The following TNRC6B variants were observed in gnomAD, a reference collection of about 807,000 sequenced individuals.
TNRC6B encodes trinucleotide repeat-containing gene 6B protein.
A neutral mutation model predicts 203.6 loss-of-function variants in TNRC6B; 52 were observed. That is an observed-to-expected ratio of 0.26 (90% CI 0.20 to 0.32). The LOEUF is 0.32. Among genes scored for constraint, TNRC6B ranks in the 10% least tolerant of loss-of-function variants. The pLI, the probability that TNRC6B is intolerant of heterozygous loss-of-function variation, is 1.00. For missense variants in TNRC6B, 1,923 were observed against 2,286.2 expected (o/e 0.84, Z 3.24); for synonymous variants, 838 against 845.7 (o/e 0.99, Z 0.16).
At chr22:40,119,594 C>T (rs1054713693) in intron 2 of TNRC6B, among the ~76,000 whole-genome samples, 3 of 152,170 alleles carry the variant, frequency 2.0e-5, no homozygotes, top group African/African-American at 7.2e-5. Context: ...TAAATACATA[C>T]ATAGATAACA....
At chr22:40,310,627 G>T (rs1472368191) in intron 16 of TNRC6B, among the ~76,000 whole-genome samples, 190 bp from the exon 17 acceptor site, 2 of 152,160 alleles carry the variant, frequency 1.3e-5, no homozygotes, top group African/African-American at 4.8e-5. Flanking sequence ...TCAGAGAGGC[G>T]AAATGACTTG....
intron 15 of TNRC6B, among the ~76,000 whole-genome samples, chr22:40,302,713 C>A (rs924721182): frequency 1.3e-5 from 2 of 151,798 alleles, no homozygotes; most frequent in Admixed American, 6.6e-5. Context: ...CAAATGGCAG[C>A]GGCTGACTGT....
chr22:40,135,909 T>C (rs1382989036), intron 3 of TNRC6B, among the ~76,000 whole-genome samples: 1 of 152,204 alleles, frequency 6.6e-6, no homozygotes, highest in Non-Finnish European at 1.5e-5. Context: ...GACTAGAATA[T>C]CTGTATCTTT....
At chr22:40,061,195 C>T (rs1253468445) in intron 1 of TNRC6B, among the ~76,000 whole-genome samples, 1 of 152,018 alleles carries the variant, frequency 6.6e-6, no homozygotes, top group Non-Finnish European at 1.5e-5. Context: ...TTGAAAGGAA[C>T]GTATGTCCGC....
At chr22:40,275,946 C>T (rs1260954940) in intron 7 of TNRC6B, among the ~76,000 whole-genome samples, 4 of 147,766 alleles carry the variant, frequency 2.7e-5, no homozygotes, top group Non-Finnish European at 6.0e-5. Flanking sequence ...GTGACAAGAG[C>T]GAAACTCAGT....
At chr22:40,046,565 T>A (rs1337907626) in intron 1 of TNRC6B, among the ~76,000 whole-genome samples, 1 of 152,036 alleles carries the variant, frequency 6.6e-6, no homozygotes, top group Non-Finnish European at 1.5e-5. Context: ...AACATATAAA[T>A]GTCATGCCCT....
intron 3 of TNRC6B, among the ~76,000 whole-genome samples, chr22:40,153,549 GA>G (rs35636391): frequency 3.0e-4 from 43 of 145,564 alleles, no homozygotes; most frequent in Non-Finnish European, 4.5e-4. Flanking sequence ...TACTAAGCTA[GA>G]AAAAAAAAAA....
At chr22:40,099,570 A>G (rs1601814292) in intron 1 of TNRC6B, among the ~76,000 whole-genome samples, 2 of 151,980 alleles carry the variant, frequency 1.3e-5, no homozygotes, top group Admixed American at 6.6e-5. Flanking sequence ...CATATAGACT[A>G]TTTTCCTTGA....
rs369946840 is a variant in TNRC6B at position 40,301,267 on chromosome 22, C to T, written c.4054C>T (p.Pro1352Ser). The T allele has an allele frequency of 2.6e-4, 417 of 1,588,644 alleles. 6 individuals carry two copies. The South Asian group carries it at 4.2e-3, about 16-fold the overall frequency. The change falls in exon 15 of 23, where the codon CCC becomes TCC. Residue 1352 changes from proline (P) to serine (S), a missense_variant. By Grantham distance (74) the Pro-to-Ser change is moderately conservative. This residue lies in a region of TNRC6B where 242 missense variants were observed against 399.5 expected (regional missense o/e 0.61). Transcript: ENST00000454349. Reference sequence around the variant, plus strand: ...CAAGCCGCATCTGGACAACATGGTACCCAACGCATTGAATGTGGGGCTCCC... The same window carrying T: ...CAAGCCGCATCTGGACAACATGGTATCCAACGCATTGAATGTGGGGCTCCC... ...GPKPHLDNMV[P>S]NALNVGLPDL...
intron 1 of TNRC6B, among the ~76,000 whole-genome samples, chr22:40,210,011 CTG>C (rs1438874305): frequency 9.8e-6 from 1 of 102,200 alleles, no homozygotes; most frequent in African/African-American, 5.5e-5. Flanking sequence ...GAGTGAGACT[CTG>C]TCTCAAAAAA....
chr22:40,089,407 A>G (rs2068130216), intron 1 of TNRC6B, among the ~76,000 whole-genome samples: 1 of 151,640 alleles, frequency 6.6e-6, no homozygotes, highest in Non-Finnish European at 1.5e-5. Flanking sequence ...TAATTTTTTT[A>G]TTTTTAGTAG....
At position 40,061,387 on chromosome 22, in the gene TNRC6B, T is replaced by C. The variant is rs2067850161; in HGVS notation, c.-121+16389T>C. On this transcript the variant is annotated intron_variant, in intron 1 of 23. Transcript: ENST00000301923. Reference sequence around the variant, plus strand: ...GCGCCACCACGTCTGCCTAATTTTTTTTTTTTTGTATTTTTAGTAGCGACA... The same window carrying C: ...GCGCCACCACGTCTGCCTAATTTTTCTTTTTTTGTATTTTTAGTAGCGACA... Among the ~76,000 whole-genome samples, 5 of 151,964 alleles carry C rather than the reference T, an allele frequency of 3.3e-5. No individual in the cohort carries two copies. In the South Asian group the frequency reaches 1.0e-3, roughly 32 times the overall value.
chr22:40,294,211 C>T (rs938958126), intron 12 of TNRC6B, among the ~76,000 whole-genome samples: 24 of 152,132 alleles, frequency 1.6e-4, no homozygotes. Context: ...CATGATCGTG[C>T]CACTGCACTC....
intron 1 of TNRC6B, among the ~76,000 whole-genome samples, chr22:40,237,484 G>A (rs913718029): frequency 2.0e-5 from 3 of 152,160 alleles, no homozygotes; most frequent in African/African-American, 4.8e-5. Context: ...GAACTGATGC[G>A]GCGGAAGGGA....
intron 1 of TNRC6B, among the ~76,000 whole-genome samples, chr22:40,112,757 G>A (rs2068350658): frequency 1.3e-5 from 2 of 152,230 alleles, no homozygotes; most frequent in Non-Finnish European, 1.5e-5. Flanking sequence ...CAGAAATCAA[G>A]TTGTGATGAT....
intron 1 of TNRC6B, among the ~76,000 whole-genome samples, chr22:40,058,092 G>T (rs535717789): frequency 2.0e-5 from 3 of 152,108 alleles, no homozygotes; most frequent in Non-Finnish European, 4.4e-5. Context: ...TAAACAAAAG[G>T]CCACAATACT....
chr22:40,129,975 A>G (rs1012152383), intron 3 of TNRC6B, among the ~76,000 whole-genome samples: 11 of 152,362 alleles, frequency 7.2e-5, no homozygotes, highest in Non-Finnish European at 1.3e-4. Flanking sequence ...TAGGAGGTGC[A>G]GAAACCAAAT....
At chr22:40,223,928 G>A (rs144776719) in intron 1 of TNRC6B, among the ~76,000 whole-genome samples, 1 of 152,180 alleles carries the variant, frequency 6.6e-6, no homozygotes, top group Non-Finnish European at 1.5e-5. Context: ...TGGACACAAG[G>A]TAACTGTGTG....
chr22:40,158,913 T>C (rs1569002175), intron 4 of TNRC6B, among the ~76,000 whole-genome samples: 1 of 152,202 alleles, frequency 6.6e-6, no homozygotes, highest in Non-Finnish European at 1.5e-5. Context: ...AAATGATTAT[T>C]ACTATACTTT....
Sources: allele counts gnomAD v4.1 joint callset (sites outside exome capture counted in the v4.1 genomes callset), GRCh38; gene constraint gnomAD v4.1.1; regional missense constraint gnomAD v4.1.1; transcripts MANE v1.5; gene names NCBI Gene and HGNC (gene_info 2026-07-23, HGNC 2026-07-21).